The following IL37 variants were observed in gnomAD, a reference collection of about 807,000 sequenced individuals.
The protein encoded by IL37 is interleukin-37.
A neutral mutation model predicts 15.4 loss-of-function variants in IL37; 15 were observed. The ratio of observed to expected loss-of-function variants is 0.98; its 90% CI spans 0.65 to 1.50. The LOEUF is 1.50. IL37 is among the 40% of genes most tolerant of loss of function. IL37 has a pLI of 0.00. For missense variants in IL37, 269 were observed against 261.7 expected (o/e 1.03, Z -0.19); for synonymous variants, 98 against 97.4 (o/e 1.01, Z -0.03).
intron 1 of IL37, among the ~76,000 whole-genome samples, chr2:112,912,135 A>G (rs765283622): frequency 3.3e-5 from 5 of 152,230 alleles, no homozygotes; most frequent in Non-Finnish European, 5.9e-5. Context: ...TATCTCTGCA[A>G]TCTTAGAAGT....
chr2:112,912,264 A>T (rs1683192494), intron 1 of IL37, among the ~76,000 whole-genome samples: 1 of 152,156 alleles, frequency 6.6e-6, no homozygotes, highest in Admixed American at 6.5e-5. Flanking sequence ...CTCTCGGTCA[A>T]CTGAGATAGG....
Position 112,918,677 on chromosome 2 carries a change from G to A in IL37, c.525G>A (p.Trp175Ter). Residue 175 changes from tryptophan to a stop codon, truncating the protein, a stop_gained, in exon 6 of 6, where the codon TGG becomes TGA. Transcript: ENST00000263326. LOFTEE classifies it low-confidence loss of function (END_TRUNC). The stretch of plus-strand genomic sequence containing the variant: ...TGGAGTCGGCGGCTCACCCCGGATG[G>A]TTCATCTGCACCTCCTGCAATTGTA... ...NMLESAAHPGWFICTSCNCNE... is the reference protein window; with the variant it reads ...NMLESAAHPG The A allele has an allele frequency of 1.9e-6, 3 of 1,614,154 alleles. No individual in the cohort carries two copies. Among genetic ancestry groups the A allele is most frequent in the Non-Finnish European group, 2.5e-6 (3 of 1,180,034 alleles).
In IL37 at chr2:112,917,646, G is replaced by T. The variant is rs1361893457; in HGVS notation, c.277G>T (p.Ala93Ser). 1.9e-6 allele frequency: 3 copies of T among 1,586,092 alleles called. No individual in the cohort carries two copies. Among genetic ancestry groups the T allele is most frequent in the Non-Finnish European group, 1.7e-6 (2 of 1,167,896 alleles). Residue 93 changes from alanine (A) to serine (S), a missense_variant, in exon 5 of 6, where the codon GCA becomes TCA. Physicochemically the swap from Ala to Ser is moderately conservative, Grantham distance 99. Coordinates refer to ENST00000263326, the MANE Select transcript of IL37 (RefSeq NM_014439.4). ...CTGTCTTTTTCCAGAGATCTTCTTT[G>T]CATTAGCCTCATCCTTGAGCTCAGC... ...KNYIRPEIFF[A>S]LASSLSSASA... is the part of the protein sequence containing the mutation.
intron 3 of IL37, among the ~76,000 whole-genome samples, chr2:112,914,104 T>G (rs1396961025): frequency 6.6e-6 from 1 of 152,146 alleles, no homozygotes; most frequent in Non-Finnish European, 1.5e-5. Flanking sequence ...AGTTTGTGCC[T>G]GGGAACCTTC....
intron 1 of IL37, 97 bp from the exon 2 acceptor site, chr2:112,912,866 C>T (rs1683206791): frequency 1.9e-6 from 1 of 535,296 alleles, no homozygotes. Flanking sequence ...TTTCAAACTA[C>T]AGAGCAAGGC....
chr2:112,918,689 C>T lies in IL37; in HGVS notation c.537C>T (p.Thr179=), dbSNP rs780656463. 6.2e-7 allele frequency: 1 copy of T among 1,614,124 alleles called. No homozygotes were observed. Among genetic ancestry groups the T allele is most frequent in the Non-Finnish European group, 8.5e-7 (1 of 1,180,032 alleles). The change falls in exon 6 of 6, where the codon ACC becomes ACT. Residue 179 remains threonine, a synonymous_variant. Transcript: ENST00000263326. ...CTCACCCCGGATGGTTCATCTGCAC[C>T]TCCTGCAATTGTAATGAGCCTGTTG... ...SAAHPGWFIC[T]SCNCNEPVGV...
At chr2:112,917,928 A>G (rs918239957) in intron 5 of IL37, 151 bp downstream of exon 5, 1 of 795,470 alleles carries the variant, frequency 1.3e-6, no homozygotes, top group Admixed American at 2.4e-5. Context: ...GAAGAGCCCC[A>G]TAACTTCTTC....
chr2:112,917,158 A>C lies in IL37; in HGVS notation c.175A>C (p.Lys59Gln). Residue 59 changes from lysine to glutamine, a missense_variant, in exon 4 of 6, where the codon AAA becomes CAA. By Grantham distance (53) the Lys-to-Gln change is moderately conservative. Transcript: ENST00000263326. ...SPKVKNLNPK[K>Q]FSIHDQDHKV... ...AAAGGTGAAGAACTTAAACCCGAAG[A>C]AATTCAGCATTCATGACCAGGATCA... 1 of 1,614,120 alleles carries C rather than the reference A, an allele frequency of 6.2e-7. No individual in the cohort carries two copies. Among genetic ancestry groups the C allele is most frequent in the Non-Finnish European group, 8.5e-7 (1 of 1,179,952 alleles).
At chr2:112,917,092 C>G in intron 3 of IL37, 37 bp from the exon 4 acceptor site, 1 of 1,608,470 alleles carries the variant, frequency 6.2e-7, no homozygotes, top group East Asian at 2.2e-5. Flanking sequence ...CTTCCATTTT[C>G]AATGTGAAGT....
Position 112,913,782 on chromosome 2 carries a change from C to T in IL37, c.83-10C>T. On this transcript the variant is annotated splice_polypyrimidine_tract_variant and intron_variant, in intron 2 of 5. Transcript: ENST00000263326. ...ATTGCATATGCTAACCTCACTGCGT[C>T]TGACTGCAGACCCGGCTGGAAGCCC... The T allele has an allele frequency of 6.2e-7, 1 of 1,612,960 alleles. No homozygotes were observed. Among genetic ancestry groups the T allele is most frequent in the East Asian group, 2.2e-5 (1 of 44,868 alleles).
chr2:112,916,322 C>A (rs1373125485), intron 3 of IL37, among the ~76,000 whole-genome samples: 1 of 152,182 alleles, frequency 6.6e-6, no homozygotes, highest in Non-Finnish European at 1.5e-5. Flanking sequence ...GAGCTCTTTG[C>A]AGAGGTGAGG....
At chr2:112,913,922 T>C (rs1027659457) in intron 3 of IL37, 68 bp downstream of exon 3, 1 of 1,269,906 alleles carries the variant, frequency 7.9e-7, no homozygotes, top group East Asian at 2.3e-5. Flanking sequence ...ATGGAGCCAT[T>C]GGGTCCTCTT....
rs555602544 is a variant in IL37, at chr2:112,915,338, T to G, written c.145+1484T>G. The G allele has an allele frequency of 1.5e-4, 181 of 1,237,034 alleles. No individual in the cohort carries two copies. In the African/African-American group the frequency reaches 2.6e-3, roughly 17 times the overall value. 76.6% of individuals were successfully genotyped at this position (1,237,034 alleles called of 1,614,324 possible). ...CCAGTCTCACCCTGGACTAACTGAA[T>G]GAGAATCTCAGGAGTGTGAGGCCCA... On this transcript the variant is annotated intron_variant, in intron 3 of 5. Coordinates refer to ENST00000263326, the MANE Select transcript of IL37 (RefSeq NM_014439.4).
At chr2:112,914,457 C>T (rs1418501972) in intron 3 of IL37, among the ~76,000 whole-genome samples, 1 of 152,204 alleles carries the variant, frequency 6.6e-6, no homozygotes, top group Non-Finnish European at 1.5e-5. Flanking sequence ...CCATCACCTC[C>T]TCTTCTCAGG....
In IL37 at chr2:112,918,608, G is replaced by C; in HGVS notation, c.456G>C (p.Arg152=). The stretch of plus-strand genomic sequence containing the variant: ...CTGCCCAAAAGGAATCAGCACGCCG[G>C]CCCTTCATCTTTTATAGGGCTCAGG... ...KLAAQKESAR[R]PFIFYRAQVG... is the part of the protein sequence containing the mutation. Residue 152 remains arginine, a synonymous_variant, in exon 6 of 6, where the codon CGG becomes CGC. Transcript: ENST00000263326. 6.2e-7 allele frequency: 1 copy of C among 1,613,552 alleles called. No homozygotes were observed. The highest frequency in any genetic ancestry group is 8.5e-7 in the Non-Finnish European group (1 of 1,179,964).
In IL37 at chr2:112,913,711, G is replaced by A. The variant is rs549677450; in HGVS notation, c.83-81G>A. On this transcript the variant is annotated intron_variant, in intron 2 of 5. Transcript: ENST00000263326. Reference sequence around the variant, plus strand: ...TATTTCTCAGCACATACACAGAAGAGGGAATTAAATGGTCTTTGATACCCC... The same window carrying A: ...TATTTCTCAGCACATACACAGAAGAAGGAATTAAATGGTCTTTGATACCCC... 8.7e-6 allele frequency: 9 copies of A among 1,036,658 alleles called. No individual in the cohort carries two copies. In the African/African-American group the frequency reaches 1.4e-4, roughly 16 times the overall value. 64.2% of individuals were successfully genotyped at this position (1,036,658 alleles called of 1,614,324 possible).
intron 2 of IL37, 82 bp from the exon 3 acceptor site, chr2:112,913,710 A>G (rs1683232463): frequency 9.8e-7 from 1 of 1,018,524 alleles, no homozygotes; most frequent in Middle Eastern, 2.1e-4. Context: ...TACACAGAAG[A>G]GGGAATTAAA....
chr2:112,914,575 G>T (rs752036653), intron 3 of IL37, among the ~76,000 whole-genome samples: 1 of 152,220 alleles, frequency 6.6e-6, no homozygotes, highest in Non-Finnish European at 1.5e-5. Context: ...GACCAGGTGT[G>T]TAAGGGTGCC....
In IL37 at chr2:112,915,311, T is replaced by G. The variant is rs1462186483; in HGVS notation, c.145+1457T>G. ...AAAGTAGCTTCTTAAAAAGAGCATT[T>G]TCCAGTCTCACCCTGGACTAACTGA... On this transcript the variant is annotated intron_variant, in intron 3 of 5. Coordinates refer to ENST00000263326, the MANE Select transcript of IL37 (RefSeq NM_014439.4). 4.7e-6 allele frequency: 7 copies of G among 1,477,988 alleles called. No homozygotes were observed. In the East Asian group the frequency reaches 1.4e-4, roughly 29 times the overall value. 91.6% of individuals were successfully genotyped at this position (1,477,988 alleles called of 1,614,324 possible). A position where few individuals can be genotyped will look rare whatever the true frequency, so the allele number is the denominator to read the frequency against.
Sources: gnomAD v4.1 joint callset for allele counts (sites outside exome capture counted in the v4.1 genomes callset) on GRCh38, gnomAD v4.1.1 for gene constraint, MANE v1.5 for transcripts, NCBI Gene and HGNC (gene_info 2026-07-23, HGNC 2026-07-21) for gene names.